TAFA1: variants seen among roughly 807,000 people sequenced by gnomAD.
TAFA1 encodes the protein chemokine-like protein TAFA-1.
TAFA1 carries 4 observed loss-of-function variants against 18.5 expected under a neutral mutation model. The ratio of observed to expected loss-of-function variants is 0.22; its 90% CI spans 0.11 to 0.49. The LOEUF is 0.49. Ranked by LOEUF, TAFA1 falls within the 20% of genes least tolerant of loss-of-function variation. The pLI is 0.98. For missense variants in TAFA1, 147 were observed against 169.0 expected (o/e 0.87, Z 0.72); for synonymous variants, 56 against 55.2 (o/e 1.01, Z -0.06).
intron 3 of TAFA1, among the ~76,000 whole-genome samples, chr3:68,500,034 T>C (rs911725703): frequency 6.6e-6 from 1 of 152,112 alleles, no homozygotes; most frequent in African/African-American, 2.4e-5. Context: ...TTCCATCCCA[T>C]TCCATCCCAT....
intron 2 of TAFA1, among the ~76,000 whole-genome samples, chr3:68,280,269 A>G (rs993180587): frequency 1.3e-5 from 2 of 152,174 alleles, no homozygotes; most frequent in African/African-American, 4.8e-5. Flanking sequence ...ATAATTGTCC[A>G]TCACTCTTTT....
chr3:68,469,362 C>T (rs1206945939), intron 3 of TAFA1, among the ~76,000 whole-genome samples: 1 of 152,056 alleles, frequency 6.6e-6, no homozygotes, highest in Non-Finnish European at 1.5e-5. Context: ...AAGACTGGCT[C>T]TCTTATTTTC....
At chr3:68,382,420 A>G (rs937525909) in intron 2 of TAFA1, among the ~76,000 whole-genome samples, 1 of 152,028 alleles carries the variant, frequency 6.6e-6, no homozygotes, top group African/African-American at 2.4e-5. Flanking sequence ...CATGTCCAGT[A>G]TCAATCTTCT....
intron 2 of TAFA1, among the ~76,000 whole-genome samples, chr3:68,343,692 C>T (rs1168008925): frequency 6.6e-6 from 1 of 152,140 alleles, no homozygotes; most frequent in Non-Finnish European, 1.5e-5. Context: ...GCACTTGTTG[C>T]CACATATTTT....
intron 2 of TAFA1, among the ~76,000 whole-genome samples, chr3:68,073,728 G>A (rs2064786621): frequency 6.6e-6 from 1 of 152,104 alleles, no homozygotes; most frequent in Non-Finnish European, 1.5e-5. Flanking sequence ...AGCAGTTGTA[G>A]TAGCAGCAGC....
intron 2 of TAFA1, among the ~76,000 whole-genome samples, chr3:68,323,314 A>G: frequency 6.6e-6 from 1 of 152,180 alleles, no homozygotes; most frequent in South Asian, 2.1e-4. Flanking sequence ...GCTGTAAACA[A>G]TTCACTGAAA....
At chr3:68,395,318 T>C (rs892181094) in intron 2 of TAFA1, among the ~76,000 whole-genome samples, 1 of 152,128 alleles carries the variant, frequency 6.6e-6, no homozygotes, top group African/African-American at 2.4e-5. Flanking sequence ...TGTGGAGAAA[T>C]AGGAACGCTT....
chr3:68,207,682 T>C (rs2066543807), intron 2 of TAFA1, among the ~76,000 whole-genome samples: 2 of 151,998 alleles, frequency 1.3e-5, no homozygotes. Flanking sequence ...AATAAAAATT[T>C]CATTAAAATA....
chr3:68,263,225 A>G (rs192761384), intron 2 of TAFA1, among the ~76,000 whole-genome samples: 1 of 152,104 alleles, frequency 6.6e-6, no homozygotes, highest in South Asian at 2.1e-4. Context: ...TGGTAAAAGT[A>G]TACTTCTATG....
chr3:68,035,871 A>T (rs1305617650), intron 2 of TAFA1, among the ~76,000 whole-genome samples: 1 of 152,230 alleles, frequency 6.6e-6, no homozygotes, highest in African/African-American at 2.4e-5. Flanking sequence ...ACATGCAGCA[A>T]CAGGGCTGAA....
intron 2 of TAFA1, among the ~76,000 whole-genome samples, chr3:68,020,828 T>C (rs1427869571): frequency 4.6e-5 from 7 of 152,154 alleles, no homozygotes; most frequent in Non-Finnish European, 7.4e-5. Flanking sequence ...ATGCTTATTG[T>C]ATCCTTCCTT....
At chr3:68,419,726 A>G (rs780753733) in intron 3 of TAFA1, among the ~76,000 whole-genome samples, 3 of 152,160 alleles carry the variant, frequency 2.0e-5, no homozygotes, top group Non-Finnish European at 4.4e-5. Context: ...GACAACCTCT[A>G]GATCGATTCA....
At chr3:68,188,375 A>G (rs1044868889) in intron 2 of TAFA1, among the ~76,000 whole-genome samples, 3 of 151,544 alleles carry the variant, frequency 2.0e-5, no homozygotes, top group Non-Finnish European at 4.4e-5. Flanking sequence ...TTCTCTTTGC[A>G]TCTATTCTGC....
At chr3:68,273,539 C>T (rs1054876511) in intron 2 of TAFA1, among the ~76,000 whole-genome samples, 15 of 152,214 alleles carry the variant, frequency 9.9e-5, no homozygotes, top group African/African-American at 3.6e-4. Flanking sequence ...GGTAAGATTA[C>T]CAAGGTAAGA....
chr3:68,174,819 A>G (rs1440533422), intron 2 of TAFA1, among the ~76,000 whole-genome samples: 1 of 152,206 alleles, frequency 6.6e-6, no homozygotes, highest in Non-Finnish European at 1.5e-5. Flanking sequence ...ACCCAATGTT[A>G]TTGCCTAAGA....
intron 2 of TAFA1, among the ~76,000 whole-genome samples, chr3:68,019,613 C>A (rs568290502): frequency 6.6e-6 from 1 of 152,158 alleles, no homozygotes; most frequent in Non-Finnish European, 1.5e-5. Flanking sequence ...GTGATTTGAT[C>A]ATTTGCAGCA....
intron 2 of TAFA1, among the ~76,000 whole-genome samples, chr3:68,404,478 T>G (rs903607209): frequency 6.6e-6 from 1 of 151,762 alleles, no homozygotes; most frequent in Non-Finnish European, 1.5e-5. Context: ...ATCTATGGAG[T>G]TGTGGGCAGT....
At chr3:68,454,403 A>G (rs1049768984) in intron 3 of TAFA1, among the ~76,000 whole-genome samples, 1 of 152,048 alleles carries the variant, frequency 6.6e-6, no homozygotes, top group Non-Finnish European at 1.5e-5. Flanking sequence ...CTCAGATTTT[A>G]GGGTCAGCTA....
chr3:68,261,317 G>A (rs1303401068), intron 2 of TAFA1, among the ~76,000 whole-genome samples: 1 of 152,118 alleles, frequency 6.6e-6, no homozygotes, highest in Non-Finnish European at 1.5e-5. Flanking sequence ...ACTGTTGGTG[G>A]GACTGTAAAC....
Sources: gnomAD v4.1 joint callset for allele counts (sites outside exome capture counted in the v4.1 genomes callset) on GRCh38, gnomAD v4.1.1 for gene constraint, MANE v1.5 for transcripts, NCBI Gene and HGNC (gene_info 2026-07-23, HGNC 2026-07-21) for gene names.